Variants in NRXN1 observed in about 807,000 individuals in gnomAD.
The protein encoded by NRXN1 is neurexin-1.
NRXN1 carries 39 observed loss-of-function variants against 150.9 expected under a neutral mutation model. That is an observed-to-expected ratio of 0.26 (90% confidence interval 0.20 to 0.34). NRXN1 has a LOEUF of 0.34. Among genes scored for constraint, NRXN1 ranks in the 10% least tolerant of loss-of-function variants. The pLI, the probability that NRXN1 is intolerant of heterozygous loss-of-function variation, is 1.00. For missense variants in NRXN1, 1,815 were observed against 1,949.9 expected, an observed-to-expected ratio of 0.93 and a Z score of 1.30; for synonymous variants, 924 against 757.0, an observed-to-expected ratio of 1.22 and a Z score of -3.62.
chr2:50,051,732 C>G (rs1306210590), intron 21 of NRXN1, among the ~76,000 whole-genome samples: 1 of 152,028 alleles, frequency 6.6e-6, no homozygotes, highest in Non-Finnish European at 1.5e-5. Flanking sequence ...ACATTGCAGG[C>G]AAACAGTCCT....
rs1332155872 is a variant in NRXN1 at position 51,029,136 on chromosome 2, T to C, written c.-863A>G. ...CAAGCTAAGATGCCAGCACATCAAT[T>C]GGTTGTGTGTTGGTGATGCATTTTG... On this transcript the variant is annotated 5_prime_UTR_variant, in exon 2 of 23. Coordinates refer to ENST00000401669, the MANE Select transcript of NRXN1 (RefSeq NM_001330078.2). 1 of 152,238 alleles carries C rather than the reference T, an allele frequency of 6.6e-6. No homozygotes were observed. The highest frequency in any genetic ancestry group is 2.4e-5 in the African/African-American group (1 of 41,466). 9.4% of individuals were successfully genotyped at this position (152,238 alleles called of 1,614,324 possible).
At chr2:50,917,811 G>A (rs1413183477) in intron 5 of NRXN1, 1 of 151,258 alleles carries the variant, frequency 6.6e-6, no homozygotes, top group Non-Finnish European at 1.5e-5. Context: ...CCCAGTTTAT[G>A]GTATTTTTAT....
chr2:50,314,869 C>A (rs1462791794), intron 17 of NRXN1, among the ~76,000 whole-genome samples: 1 of 151,882 alleles, frequency 6.6e-6, no homozygotes, highest in Non-Finnish European at 1.5e-5. Flanking sequence ...TTCAACCCTT[C>A]TGAGCCTTAT....
At chr2:50,344,780 T>C (rs144930476) in intron 17 of NRXN1, among the ~76,000 whole-genome samples, 2 of 152,254 alleles carry the variant, frequency 1.3e-5, no homozygotes, top group African/African-American at 4.8e-5. Flanking sequence ...CCAGCAGCCT[T>C]ATCCCTCTGG....
At chr2:50,791,332 A>T (rs1033722057) in intron 5 of NRXN1, among the ~76,000 whole-genome samples, 1 of 151,606 alleles carries the variant, frequency 6.6e-6, no homozygotes, top group Non-Finnish European at 1.5e-5. Flanking sequence ...AAAAAAAAAA[A>T]ATCCTTAGCT....
chr2:50,184,800 C>T (rs1439174075), intron 18 of NRXN1, among the ~76,000 whole-genome samples: 2 of 152,032 alleles, frequency 1.3e-5, no homozygotes, highest in African/African-American at 4.8e-5. Flanking sequence ...CAAGTATTAA[C>T]TCCTGATGAC....
chr2:50,626,603 G>C (rs1321470947), intron 5 of NRXN1, among the ~76,000 whole-genome samples: 7 of 151,856 alleles, frequency 4.6e-5, no homozygotes, highest in African/African-American at 1.2e-4. Context: ...TACATCCTTT[G>C]TTCACAAAAA....
rs33968907 is a variant in NRXN1 at position 50,614,733 on chromosome 2, C to CAA, written c.1320+5287_1320+5288dup. 6.7e-3 allele frequency among the ~76,000 whole-genome samples: 650 copies of CAA among 97,498 alleles called. 12 individuals carry two copies. Among genetic ancestry groups the CAA allele is most frequent in the Middle Eastern group, 8.6e-3 (1 of 116 alleles). 64.0% of individuals were successfully genotyped at this position (97,498 alleles called of 152,430 possible). On this transcript the variant is annotated intron_variant, in intron 8 of 22. Coordinates refer to ENST00000401669, the MANE Select transcript of NRXN1 (RefSeq NM_001330078.2). ...ACCTATTAAACTAATATCAGCCATTCAAAAAAAAAAAAAAAAAAAAAACTT... is the reference window on the plus strand; with the variant it reads ...ACCTATTAAACTAATATCAGCCATTCAAAAAAAAAAAAAAAAAAAAAAAACTT...
At chr2:50,633,392 G>C (rs1014400264) in intron 5 of NRXN1, among the ~76,000 whole-genome samples, 3 of 152,100 alleles carry the variant, frequency 2.0e-5, no homozygotes, top group South Asian at 4.1e-4. Flanking sequence ...AAGTAGAGGA[G>C]AGGGTAATAA....
intron 17 of NRXN1, among the ~76,000 whole-genome samples, chr2:50,246,351 C>A (rs573407785): frequency 4.6e-4 from 70 of 152,052 alleles, no homozygotes; most frequent in Non-Finnish European, 9.1e-4. Context: ...GGAATTAAAT[C>A]CTTAATACAA....
At chr2:50,456,582 C>T (rs189646699) in intron 17 of NRXN1, among the ~76,000 whole-genome samples, 9 of 152,200 alleles carry the variant, frequency 5.9e-5, no homozygotes, top group African/African-American at 2.2e-4. Context: ...GGGCAAGGTG[C>T]GTTTCCTTCA....
chr2:49,924,490 G>C (rs949536422), intron 22 of NRXN1, among the ~76,000 whole-genome samples: 1 of 152,020 alleles, frequency 6.6e-6, no homozygotes, highest in African/African-American at 2.4e-5. Context: ...AAATATTTCT[G>C]AGAGGTTTTC....
chr2:50,963,493 TC>T (rs1348024662), intron 2 of NRXN1, among the ~76,000 whole-genome samples: 2 of 151,686 alleles, frequency 1.3e-5, no homozygotes, highest in African/African-American at 2.4e-5. Flanking sequence ...CTATCTTTCC[TC>T]CAAATGCTTT....
chr2:50,984,458 ATTT>A (rs1013049000), intron 2 of NRXN1, among the ~76,000 whole-genome samples: 6 of 152,028 alleles, frequency 3.9e-5, no homozygotes, highest in Admixed American at 3.9e-4. Context: ...GCCAATCTCC[ATTT>A]TACAGTACAG....
chr2:49,932,290 G>A (rs1013601560), intron 22 of NRXN1, among the ~76,000 whole-genome samples: 7 of 152,050 alleles, frequency 4.6e-5, no homozygotes, highest in South Asian at 4.1e-4. Flanking sequence ...GCATGGTGGC[G>A]CATGCCTGTA....
chr2:49,974,138 T>C (rs566733315), intron 21 of NRXN1: 25 of 714,214 alleles, frequency 3.5e-5, no homozygotes, highest in East Asian at 1.3e-4. Flanking sequence ...AGATGATAAA[T>C]TGCCTGCGCA....
intron 5 of NRXN1, among the ~76,000 whole-genome samples, chr2:50,828,020 GGGCAACC>G (rs1670725195): frequency 6.7e-6 from 1 of 149,016 alleles, no homozygotes; most frequent in East Asian, 2.0e-4. Flanking sequence ...CACACAGACA[GGGCAACC>G]ATCCGATTTC....
intron 15 of NRXN1, among the ~76,000 whole-genome samples, chr2:50,473,463 T>C (rs1253351023): frequency 6.6e-6 from 1 of 152,050 alleles, no homozygotes; most frequent in Non-Finnish European, 1.5e-5. Context: ...TAAGTGACTT[T>C]AGTAAACATT....
chr2:50,898,631 A>T (rs1367249209), intron 5 of NRXN1: 1 of 464,718 alleles, frequency 2.2e-6, no homozygotes, highest in Admixed American at 2.3e-5. Flanking sequence ...TTATCATTCA[A>T]TTGTTCTACA....
Sources: gnomAD v4.1 joint callset for allele counts (sites outside exome capture counted in the v4.1 genomes callset) on GRCh38, gnomAD v4.1.1 for gene constraint, MANE v1.5 for transcripts, NCBI Gene and HGNC (gene_info 2026-07-23, HGNC 2026-07-21) for gene names.